Variants in SPTY2D1 observed in about 807,000 individuals in gnomAD.
The protein encoded by SPTY2D1 is SPT2 chromatin protein domain containing 1, also known as protein SPT2 homolog.
Under a neutral mutation model 64.0 loss-of-function variants are expected in SPTY2D1, and 21 were observed. The observed-to-expected ratio is 0.33, with a 90% CI of 0.23 to 0.47. SPTY2D1 has a LOEUF of 0.47. SPTY2D1 is among the 20% of genes least tolerant of loss of function. The pLI, the probability that SPTY2D1 is intolerant of heterozygous loss-of-function variation, is 1.00. For synonymous variants in SPTY2D1, 287 were observed against 286.8 expected (o/e 1.00, Z -0.01); for missense variants, 724 against 837.2 (o/e 0.86, Z 1.67).
intron 2 of SPTY2D1, among the ~76,000 whole-genome samples, 188 bp downstream of exon 2, chr11:18,616,687 A>T (rs1036726496): frequency 4.6e-5 from 7 of 152,006 alleles, no homozygotes; most frequent in African/African-American, 1.7e-4. Flanking sequence ...TATACAAATG[A>T]TCGAGGTAAC....
rs1450782302 is a variant in SPTY2D1 at position 18,615,299 on chromosome 11, T to C, written c.975A>G (p.Pro325=). ...PHSSTSSPSV[P]KTSASRTQKS... Reference sequence around the variant, plus strand: ...TCTGAGTCCTGCTAGCAGAAGTCTTTGGGACACTTGGTGAAGAGGTGCTGG... The same window carrying C: ...TCTGAGTCCTGCTAGCAGAAGTCTTCGGGACACTTGGTGAAGAGGTGCTGG... Residue 325 remains proline (P), a synonymous_variant, in exon 3 of 6, where the codon CCA becomes CCG. Coordinates refer to ENST00000336349, the MANE Select transcript of SPTY2D1 (RefSeq NM_194285.3). The C allele has an allele frequency of 1.9e-6, 3 of 1,614,218 alleles. No individual in the cohort carries two copies. Among genetic ancestry groups the C allele is most frequent in the Non-Finnish European group, 2.5e-6 (3 of 1,180,034 alleles).
At chr11:18,629,830 G>T (rs10832959) in intron 1 of SPTY2D1, among the ~76,000 whole-genome samples, 13 of 152,026 alleles carry the variant, frequency 8.6e-5, no homozygotes, top group Non-Finnish European at 1.6e-4. Flanking sequence ...ATGATGATTA[G>T]GGAAATACTC....
intron 2 of SPTY2D1, 134 bp downstream of exon 2, chr11:18,616,741 A>G: frequency 1.5e-6 from 1 of 663,756 alleles, no homozygotes; most frequent in Admixed American, 2.9e-5. Flanking sequence ...GGACACACAC[A>G]CACACACACA....
At chr11:18,627,808 G>T (rs1289353000) in intron 1 of SPTY2D1, among the ~76,000 whole-genome samples, 4 of 151,900 alleles carry the variant, frequency 2.6e-5, no homozygotes, top group African/African-American at 9.7e-5. Context: ...GAGCCCGCGA[G>T]GCGGAGCTTG....
chr11:18,628,935 A>G (rs897838918), intron 1 of SPTY2D1, among the ~76,000 whole-genome samples: 4 of 152,176 alleles, frequency 2.6e-5, no homozygotes, highest in African/African-American at 9.7e-5. Context: ...AATTTACATT[A>G]TCTACCTGGC....
intron 3 of SPTY2D1, among the ~76,000 whole-genome samples, chr11:18,613,222 A>G (rs1854235609): frequency 6.6e-6 from 1 of 152,250 alleles, no homozygotes; most frequent in South Asian, 2.1e-4. Flanking sequence ...TCAGAATTAT[A>G]TTGTTCAAAC....
chr11:18,608,288 C>T lies in SPTY2D1; in HGVS notation c.*1573G>A, dbSNP rs1346682416. ...GTTTGAAACTCAATTCAAAATGAGT[C>T]CGTCTTAAAAGCCTGGCTCATATGG... is the stretch of plus-strand genomic sequence containing the variant. On this transcript the variant is annotated 3_prime_UTR_variant, in exon 6 of 6. Coordinates refer to ENST00000336349, the MANE Select transcript of SPTY2D1 (RefSeq NM_194285.3). 3 of 152,582 alleles carry T rather than the reference C, an allele frequency of 2.0e-5. No individual in the cohort carries two copies. The highest frequency in any genetic ancestry group is 4.4e-5 in the Non-Finnish European group (3 of 68,030). 9.5% of individuals were successfully genotyped at this position (152,582 alleles called of 1,614,324 possible). A position where few individuals can be genotyped will look rare whatever the true frequency, so the allele number is the denominator to read the frequency against.
intron 1 of SPTY2D1, among the ~76,000 whole-genome samples, chr11:18,629,876 A>C (rs1435759318): frequency 6.6e-6 from 1 of 152,238 alleles, no homozygotes; most frequent in Non-Finnish European, 1.5e-5. Context: ...GGTAGCTTTA[A>C]AAAATAAAGC....
chr11:18,629,480 G>C (rs547412561), intron 1 of SPTY2D1, among the ~76,000 whole-genome samples: 1 of 152,068 alleles, frequency 6.6e-6, no homozygotes, highest in Non-Finnish European at 1.5e-5. Context: ...TCCAGCCTGG[G>C]CGACAGAGTG....
chr11:18,618,387 T>C lies in SPTY2D1; in HGVS notation c.61-1398A>G, dbSNP rs1308768568. ...TGAAGTCTCTGGACCTCAGTTTTTATATAACTGCATCAAGAAATTACTAAA... is the reference window on the plus strand; with the variant it reads ...TGAAGTCTCTGGACCTCAGTTTTTACATAACTGCATCAAGAAATTACTAAA... On this transcript the variant is annotated intron_variant, in intron 1 of 5. Transcript: ENST00000336349. Among the ~76,000 whole-genome samples the C allele has an allele frequency of 2.0e-5, 3 of 152,200 alleles. No individual in the cohort carries two copies. In the East Asian group the frequency reaches 5.8e-4, roughly 29 times the overall value.
chr11:18,630,276 ACCAT>A (rs1017764038), intron 1 of SPTY2D1, among the ~76,000 whole-genome samples: 22 of 152,148 alleles, frequency 1.4e-4, no homozygotes, highest in African/African-American at 5.1e-4. Flanking sequence ...GGAGATTGAG[ACCAT>A]CCTGACCAAC....
At chr11:18,627,246 C>T (rs150760095) in intron 1 of SPTY2D1, among the ~76,000 whole-genome samples, 4 of 122,338 alleles carry the variant, frequency 3.3e-5, no homozygotes, top group Non-Finnish European at 6.6e-5. Flanking sequence ...AACCCCATCT[C>T]TACTAAAAAT....
intron 1 of SPTY2D1, among the ~76,000 whole-genome samples, chr11:18,629,527 A>T (rs1854552172): frequency 6.6e-6 from 1 of 152,188 alleles, no homozygotes; most frequent in African/African-American, 2.4e-5. Context: ...AGCTATGTGA[A>T]ACCTGTAAGA....
At chr11:18,610,186 A>G in intron 5 of SPTY2D1, 1 of 419,924 alleles carries the variant, frequency 2.4e-6, no homozygotes, top group Non-Finnish European at 4.2e-6. Context: ...TACTATTTCC[A>G]TTAAAATAAT....
In SPTY2D1 at chr11:18,611,564, G is replaced by T; in HGVS notation, c.1887-10C>A. 7.5e-6 allele frequency: 12 copies of T among 1,609,466 alleles called. No homozygotes were observed. Among genetic ancestry groups the T allele is most frequent in the Non-Finnish European group, 9.3e-6 (11 of 1,177,770 alleles). ...ACTTTCATCTTTGTATCTGATAAAA[G>T]GAAATCAAAATGATAAAAAGAGAAA... On this transcript the variant is annotated splice_polypyrimidine_tract_variant and intron_variant, in intron 4 of 5. Coordinates refer to ENST00000336349, the MANE Select transcript of SPTY2D1 (RefSeq NM_194285.3).
rs1854633578 is a variant in SPTY2D1 at position 18,634,224 on chromosome 11, T to G, written c.34A>C (p.Lys12Gln). The G allele has an allele frequency of 6.2e-7, 1 of 1,614,070 alleles. No homozygotes were observed. Among genetic ancestry groups the G allele is most frequent in the African/African-American group, 1.3e-5 (1 of 74,930 alleles). ...DFREILMIAS[K>Q]GQGVNNVPKR... The stretch of plus-strand genomic sequence containing the variant: ...GGCACATTGTTGACACCTTGTCCCT[T>G]GGAAGCTATCATGAGAATTTCTCTG... Residue 12 changes from lysine (K) to glutamine (Q), a missense_variant, in exon 1 of 6, where the codon AAG becomes CAG. By Grantham distance (53) the Lys-to-Gln change is moderately conservative. Coordinates refer to ENST00000336349, the MANE Select transcript of SPTY2D1 (RefSeq NM_194285.3).
At chr11:18,617,854 A>C (rs1394851924) in intron 1 of SPTY2D1, among the ~76,000 whole-genome samples, 1 of 151,952 alleles carries the variant, frequency 6.6e-6, no homozygotes, top group Non-Finnish European at 1.5e-5. Context: ...AGGCAGGAGA[A>C]TGGCTTGAAC....
intron 1 of SPTY2D1, among the ~76,000 whole-genome samples, chr11:18,619,988 G>A (rs578089355): frequency 6.6e-6 from 1 of 152,306 alleles, no homozygotes; most frequent in South Asian, 2.1e-4. Flanking sequence ...GGGACTGCAA[G>A]AGATAGAAAG....
At chr11:18,613,404 G>C (rs1365646682) in intron 3 of SPTY2D1, among the ~76,000 whole-genome samples, 1 of 152,180 alleles carries the variant, frequency 6.6e-6, no homozygotes, top group African/African-American at 2.4e-5. Flanking sequence ...TTCTACGGTT[G>C]TTTTTAATAT....
Sources: allele counts gnomAD v4.1 joint callset (sites outside exome capture counted in the v4.1 genomes callset), GRCh38; gene constraint gnomAD v4.1.1; transcripts MANE v1.5; gene names NCBI Gene and HGNC (gene_info 2026-07-23, HGNC 2026-07-21).